MGAT4C: variants seen among roughly 807,000 people sequenced by gnomAD.
MGAT4C encodes the protein MGAT4 family member C, also known as alpha-1,3-mannosyl-glycoprotein 4-beta-N-acetylglucosaminyltransferase C.
In MGAT4C, 19 loss-of-function variants were observed where a neutral mutation model predicts 40.1. The observed-to-expected ratio is 0.47, with a 90% CI of 0.33 to 0.70. The LOEUF is 0.70. Among genes scored for constraint, MGAT4C ranks in the 30% least tolerant of loss-of-function variants. The probability of loss-of-function intolerance (pLI) is 0.02; values close to 1 mark genes in which losing one functional copy is unlikely to be tolerated. For missense variants in MGAT4C, 491 were observed against 563.2 expected, an observed-to-expected ratio of 0.87 and a Z score of 1.30; for synonymous variants, 181 against 187.1, an observed-to-expected ratio of 0.97 and a Z score of 0.27.
intron 2 of MGAT4C, among the ~76,000 whole-genome samples, chr12:86,466,023 G>T (rs1957676144): frequency 6.6e-6 from 1 of 151,882 alleles, no homozygotes. Flanking sequence ...AGCCTGTCCA[G>T]CATGATGAAA....
intron 1 of MGAT4C, among the ~76,000 whole-genome samples, chr12:86,136,151 CTATT>C (rs1380136858): frequency 1.3e-5 from 2 of 152,052 alleles, no homozygotes; most frequent in Non-Finnish European, 2.9e-5. Flanking sequence ...AATAATCACT[CTATT>C]AGTCTGTTAG....
At chr12:86,696,744 A>C (rs994408811) in intron 2 of MGAT4C, among the ~76,000 whole-genome samples, 1 of 152,228 alleles carries the variant, frequency 6.6e-6, no homozygotes, top group South Asian at 2.1e-4. Flanking sequence ...CTAGATCAAA[A>C]TAACACTGGT....
intron 4 of MGAT4C, among the ~76,000 whole-genome samples, chr12:86,274,897 C>T (rs1471298821): frequency 6.6e-6 from 1 of 152,134 alleles, no homozygotes; most frequent in Non-Finnish European, 1.5e-5. Context: ...TGGACATTGA[C>T]AGAATAACAA....
At chr12:86,620,621 G>T (rs1962606517) in intron 2 of MGAT4C, among the ~76,000 whole-genome samples, 1 of 152,116 alleles carries the variant, frequency 6.6e-6, no homozygotes, top group African/African-American at 2.4e-5. Flanking sequence ...TTCACTAGTT[G>T]TATGATGGAT....
At chr12:86,693,828 T>C (rs1482217208) in intron 2 of MGAT4C, among the ~76,000 whole-genome samples, 1 of 152,166 alleles carries the variant, frequency 6.6e-6, no homozygotes, top group African/African-American at 2.4e-5. Flanking sequence ...GTATGCCTCA[T>C]GTCTAGCATA....
chr12:86,329,265 C>T (rs998403582), intron 4 of MGAT4C, among the ~76,000 whole-genome samples: 9 of 151,862 alleles, frequency 5.9e-5, no homozygotes, highest in Admixed American at 1.3e-4. Context: ...AAAATTTGGC[C>T]GGGCGTGGTG....
rs569617611 is a variant in MGAT4C at position 86,021,362 on chromosome 12, G to T, written c.-7+28312C>A. On this transcript the variant is annotated intron_variant, in intron 2 of 4. Coordinates refer to ENST00000611864, the MANE Select transcript of MGAT4C (RefSeq NM_001351288.2). ...ACAAATGTCCAACAAAGATAGACTG[G>T]ATTAAGAAAATGTGGCACATATACA... 1.6e-4 allele frequency among the ~76,000 whole-genome samples: 24 copies of T among 151,992 alleles called. No homozygotes were observed. The South Asian group carries it at 4.8e-3, about 30-fold the overall frequency.
chr12:85,993,801 C>T (rs1299212293), intron 2 of MGAT4C, among the ~76,000 whole-genome samples: 3 of 152,180 alleles, frequency 2.0e-5, no homozygotes, highest in Non-Finnish European at 4.4e-5. Context: ...ACCTTGTGGA[C>T]CCGCAGACCC....
At chr12:86,248,868 G>A (rs951316057) in intron 1 of MGAT4C, among the ~76,000 whole-genome samples, 1 of 152,092 alleles carries the variant, frequency 6.6e-6, no homozygotes, top group African/African-American at 2.4e-5. Context: ...AGAGACAGCT[G>A]TGAAACTAGC....
chr12:85,967,484 C>A lies in MGAT4C; in HGVS notation c.*11805G>T, dbSNP rs1015388141. The stretch of plus-strand genomic sequence containing the variant: ...GTTTATACAGAGAAAATAAGTAATA[C>A]AAATTAGTTTTCCAGAAAATCTAAT... On this transcript the variant is annotated 3_prime_UTR_variant, in exon 5 of 5. Coordinates refer to ENST00000611864, the MANE Select transcript of MGAT4C (RefSeq NM_001351288.2). 3 of 151,998 alleles carry A rather than the reference C, an allele frequency of 2.0e-5. No homozygotes were observed. Among genetic ancestry groups the A allele is most frequent in the African/African-American group, 7.2e-5 (3 of 41,418 alleles). 9.4% of individuals were successfully genotyped at this position (151,998 alleles called of 1,614,324 possible). A position where few individuals can be genotyped will look rare whatever the true frequency, so the allele number is the denominator to read the frequency against.
chr12:86,255,310 T>A (rs1952471378), intron 1 of MGAT4C, among the ~76,000 whole-genome samples: 2 of 152,118 alleles, frequency 1.3e-5, no homozygotes, highest in African/African-American at 2.4e-5. Flanking sequence ...TTTGAGGGGA[T>A]ACAAATGTTT....
rs1264360925 is a variant in MGAT4C at position 85,959,327 on chromosome 12, GA to G, written c.*19961del. 6.6e-6 allele frequency: 1 copy of G among 151,982 alleles called. No individual in the cohort carries two copies. The highest frequency in any genetic ancestry group is 1.5e-5 in the Non-Finnish European group (1 of 67,944). The allele number at this position is 151,982 out of a possible 1,614,324, so 9.4% of individuals were successfully genotyped here. A position where few individuals can be genotyped will look rare whatever the true frequency, so the allele number is the denominator to read the frequency against. On this transcript the variant is annotated 3_prime_UTR_variant, in exon 5 of 5. Transcript: ENST00000611864. ...TCATGTAAATTTATTTGGATATGCT[GA>G]AAAAAGAGGGGGTATAAAATCTAAA...
intron 4 of MGAT4C, among the ~76,000 whole-genome samples, chr12:86,330,378 G>A (rs4526834): frequency 0.096 from 14,558 of 152,120 alleles, 1,695 homozygotes; most frequent in East Asian, 0.29. Flanking sequence ...ATTGCTGAAG[G>A]CTCCTGTGTC....
At chr12:86,440,659 T>C (rs1256218458) in intron 2 of MGAT4C, among the ~76,000 whole-genome samples, 1 of 151,842 alleles carries the variant, frequency 6.6e-6, no homozygotes, top group Admixed American at 6.6e-5. Context: ...AATAAATACA[T>C]CCAAATCAGA....
intron 4 of MGAT4C, among the ~76,000 whole-genome samples, chr12:86,275,273 G>A (rs1022818336): frequency 6.6e-6 from 1 of 152,096 alleles, no homozygotes; most frequent in Non-Finnish European, 1.5e-5. Flanking sequence ...TAAGAGCACT[G>A]GAGTCATTCA....
rs184846227 is a variant in MGAT4C, at chr12:86,037,617, T to A, written c.-7+12057A>T. Among the ~76,000 whole-genome samples, 15 of 150,240 alleles carry A rather than the reference T, an allele frequency of 1.0e-4. No individual in the cohort carries two copies. The East Asian group carries it at 2.3e-3, about 23-fold the overall frequency. On this transcript the variant is annotated intron_variant, in intron 2 of 4. Transcript: ENST00000611864. ...GTGCAGTTTTGAGTGAGTTTCTTAA[T>A]CCTGAGTTCTTATTTGATTGCGCTG...
chr12:86,564,371 T>G (rs1026467249), intron 2 of MGAT4C, among the ~76,000 whole-genome samples: 2 of 152,144 alleles, frequency 1.3e-5, no homozygotes, highest in African/African-American at 4.8e-5. Context: ...CAATATACCT[T>G]CACTGTTGTA....
At chr12:86,022,045 A>T (rs998338880) in intron 2 of MGAT4C, among the ~76,000 whole-genome samples, 1 of 152,158 alleles carries the variant, frequency 6.6e-6, no homozygotes, top group Non-Finnish European at 1.5e-5. Context: ...CTTGTTATTA[A>T]ATTCTAAAAA....
rs541832208 is a variant in MGAT4C, at chr12:86,100,630, G to T, written c.-56-50907C>A. ...TTCATTATTCTCCACTATTCATTGT[G>T]TAGAGTGTATATATTCATAATTGGT... On this transcript the variant is annotated intron_variant, in intron 1 of 4. Transcript: ENST00000611864. 5.9e-5 allele frequency among the ~76,000 whole-genome samples: 9 copies of T among 151,500 alleles called. No individual in the cohort carries two copies. In the East Asian group the frequency reaches 1.5e-3, roughly 26 times the overall value.
Sources: gnomAD v4.1 joint callset for allele counts (sites outside exome capture counted in the v4.1 genomes callset) on GRCh38, gnomAD v4.1.1 for gene constraint, MANE v1.5 for transcripts, NCBI Gene and HGNC (gene_info 2026-07-23, HGNC 2026-07-21) for gene names.